The following PI15 variants were observed in gnomAD, a reference collection of about 807,000 sequenced individuals.
PI15 encodes the protein peptidase inhibitor 15.
Under a neutral mutation model 31.0 loss-of-function variants are expected in PI15, and 18 were observed. The observed-to-expected ratio is 0.58, with a 90% CI of 0.40 to 0.86. PI15 has a LOEUF of 0.86. Ranked by LOEUF, PI15 falls within the 40% of genes least tolerant of loss-of-function variation. The pLI, the probability that PI15 is intolerant of heterozygous loss-of-function variation, is 0.00. For missense variants in PI15, 282 were observed against 328.1 expected (o/e 0.86, Z 1.09); for synonymous variants, 118 against 119.1 (o/e 0.99, Z 0.06).
chr8:74,834,039 G>A (rs1387440201), intron 2 of PI15, among the ~76,000 whole-genome samples: 4 of 152,146 alleles, frequency 2.6e-5, no homozygotes, highest in Non-Finnish European at 5.9e-5. Flanking sequence ...CACTCCTTAG[G>A]AGAATCTAAT....
chr8:74,845,591 C>CTATATACA, intron 5 of PI15, 94 bp downstream of exon 5: 1 of 772,908 alleles, frequency 1.3e-6, no homozygotes, highest in Admixed American at 2.0e-5. Context: ...GTGAGTAAGG[C>CTATATACA]TTAGCTATAA....
intron 5 of PI15, 48 bp downstream of exon 5, chr8:74,845,545 A>AGGCCGGGCGCGGTGGCTC: frequency 8.7e-7 from 1 of 1,155,678 alleles, no homozygotes; most frequent in Non-Finnish European, 1.3e-6. Context: ...AAAGACGTTA[A>AGGCCGGGCGCGGTGGCTC]ATATCCCTAG....
rs1446165443 is a variant in PI15 at position 74,853,574 on chromosome 8, T to C, written c.*4321T>C. On this transcript the variant is annotated 3_prime_UTR_variant, in exon 6 of 6. Transcript: ENST00000260113. ...GTTAGATTACTTCTACAGCTAATAA[T>C]ATTGCAGGCACTGGCGCCCTCTGGT... 6.6e-6 allele frequency: 1 copy of C among 152,516 alleles called. No homozygotes were observed. The highest frequency in any genetic ancestry group is 1.5e-5 in the Non-Finnish European group (1 of 67,956). 9.4% of individuals were successfully genotyped at this position (152,516 alleles called of 1,614,324 possible).
chr8:74,839,921 A>G (rs546939509), intron 2 of PI15, among the ~76,000 whole-genome samples: 1 of 152,298 alleles, frequency 6.6e-6, no homozygotes, highest in Admixed American at 6.5e-5. Flanking sequence ...TCAAATGTTT[A>G]TACAATTTAC....
intron 2 of PI15, among the ~76,000 whole-genome samples, chr8:74,830,289 GA>G (rs567355385): frequency 0.01 from 1,511 of 145,708 alleles, 25 homozygotes; most frequent in African/African-American, 0.035. Flanking sequence ...CCTTAAAACT[GA>G]AAAAAAAAAG....
At chr8:74,831,696 A>T (rs189907506) in intron 2 of PI15, among the ~76,000 whole-genome samples, 2 of 152,270 alleles carry the variant, frequency 1.3e-5, no homozygotes, top group Admixed American at 1.3e-4. Context: ...TCCTGTGGGA[A>T]GACCTAGCTC....
At chr8:74,838,182 C>A (rs1212724136) in intron 2 of PI15, among the ~76,000 whole-genome samples, 1 of 151,422 alleles carries the variant, frequency 6.6e-6, no homozygotes, top group Non-Finnish European at 1.5e-5. Flanking sequence ...TGTAGCGATT[C>A]ATTTCACCTA....
intron 2 of PI15, among the ~76,000 whole-genome samples, chr8:74,836,672 G>A (rs1810877128): frequency 6.6e-6 from 1 of 152,154 alleles, no homozygotes; most frequent in African/African-American, 2.4e-5. Flanking sequence ...GAGAAAAACA[G>A]GCAAGTGTAG....
At chr8:74,825,639 C>T (rs1810688277) in intron 2 of PI15, 117 bp downstream of exon 2, 1 of 786,620 alleles carries the variant, frequency 1.3e-6, no homozygotes, top group Non-Finnish European at 2.0e-6. Flanking sequence ...GGACTTTTTA[C>T]ATATTTTAAC....
rs1466491412 is a variant in PI15, at chr8:74,853,191, A to G, written c.*3938A>G. On this transcript the variant is annotated 3_prime_UTR_variant, in exon 6 of 6. Coordinates refer to ENST00000260113, the MANE Select transcript of PI15 (RefSeq NM_015886.5). ...ACAATTACCACATATCCTTGCTATA[A>G]GTTTTGAAGTTTCTTAGCAATTAAA... The G allele has an allele frequency of 6.6e-6, 1 of 152,558 alleles. No individual in the cohort carries two copies. The highest frequency in any genetic ancestry group is 1.5e-5 in the Non-Finnish European group (1 of 67,966). The allele number at this position is 152,558 out of a possible 1,614,324, so 9.5% of individuals were successfully genotyped here.
chr8:74,835,424 C>T (rs1293965175), intron 2 of PI15, among the ~76,000 whole-genome samples: 2 of 152,112 alleles, frequency 1.3e-5, no homozygotes, highest in African/African-American at 4.8e-5. Context: ...AGAGTTATTT[C>T]CCTGGTGAGA....
chr8:74,837,779 GCC>G (rs1810891412), intron 2 of PI15, among the ~76,000 whole-genome samples: 1 of 152,144 alleles, frequency 6.6e-6, no homozygotes, highest in South Asian at 2.1e-4. Flanking sequence ...AAAAGGACAT[GCC>G]ACACAGTCTC....
At position 74,840,283 on chromosome 8, in the gene PI15, A is replaced by C. The variant is rs559777010; in HGVS notation, c.274-3698A>C. 9.2e-5 allele frequency among the ~76,000 whole-genome samples: 14 copies of C among 152,316 alleles called. No homozygotes were observed. In the South Asian group the frequency reaches 2.9e-3, roughly 32 times the overall value. On this transcript the variant is annotated intron_variant, in intron 2 of 5. Transcript: ENST00000260113. ...GTTACTTTGAAATATACACTAGATT[A>C]TCGTAAACTATAGTCTACTTATCTA...
intron 3 of PI15, among the ~76,000 whole-genome samples, chr8:74,844,509 C>A (rs1302013514): frequency 6.6e-6 from 1 of 151,472 alleles, no homozygotes; most frequent in Admixed American, 6.6e-5. Context: ...TGCATATACC[C>A]GCATTTACAT....
At position 74,824,614 on chromosome 8, in the gene PI15, C is replaced by G. The variant is rs1174822123; in HGVS notation, c.-102C>G. The G allele has an allele frequency of 1.3e-5, 2 of 152,352 alleles. No homozygotes were observed. The highest frequency in any genetic ancestry group is 4.8e-5 in the African/African-American group (2 of 41,434). 9.4% of individuals were successfully genotyped at this position (152,352 alleles called of 1,614,324 possible). On this transcript the variant is annotated 5_prime_UTR_variant, in exon 1 of 6. Coordinates refer to ENST00000260113, the MANE Select transcript of PI15 (RefSeq NM_015886.5). ...CTCCTCTTACAAGAGTTCATGCTAC[C>G]ACATAGCAAAGAACCTTAAATTTTT...
intron 2 of PI15, among the ~76,000 whole-genome samples, chr8:74,839,005 T>C (rs1394669087): frequency 6.6e-6 from 1 of 152,238 alleles, no homozygotes; most frequent in Non-Finnish European, 1.5e-5. Flanking sequence ...TCTGTCTACT[T>C]ATGGAAGTCC....
Position 74,853,445 on chromosome 8 carries a change from T to G in PI15, c.*4192T>G, listed in dbSNP as rs1811134883. 6.6e-6 allele frequency: 1 copy of G among 152,572 alleles called. No individual in the cohort carries two copies. The highest frequency in any genetic ancestry group is 6.5e-5 in the Admixed American group (1 of 15,272). 9.5% of individuals were successfully genotyped at this position (152,572 alleles called of 1,614,324 possible). ...TTGTTTTAATTCAACAGTCCAACAT[T>G]ATTTAGGTGTTACAGAGTGTAAATA... On this transcript the variant is annotated 3_prime_UTR_variant, in exon 6 of 6. Coordinates refer to ENST00000260113, the MANE Select transcript of PI15 (RefSeq NM_015886.5).
intron 2 of PI15, chr8:74,826,386 T>C: frequency 5.2e-6 from 2 of 386,504 alleles, no homozygotes; most frequent in Non-Finnish European, 7.1e-6. Context: ...CCACTAACAG[T>C]TTTATATGTG....
intron 2 of PI15, among the ~76,000 whole-genome samples, chr8:74,831,696 AGACCTAG>A (rs1810784045): frequency 1.3e-5 from 2 of 152,152 alleles, no homozygotes; most frequent in African/African-American, 2.4e-5. Flanking sequence ...TCCTGTGGGA[AGACCTAG>A]CTCAGATGTG....
Sources: allele counts gnomAD v4.1 joint callset (sites outside exome capture counted in the v4.1 genomes callset), GRCh38; gene constraint gnomAD v4.1.1; transcripts MANE v1.5; gene names NCBI Gene and HGNC (gene_info 2026-07-23, HGNC 2026-07-21).